ARHGAP20: variants seen among roughly 807,000 people sequenced by gnomAD.
The protein encoded by ARHGAP20 is Rho GTPase activating protein 20.
Under a neutral mutation model 73.7 loss-of-function variants are expected in ARHGAP20, and 34 were observed. The ratio of observed to expected loss-of-function variants is 0.46; its 90% CI spans 0.35 to 0.61. ARHGAP20 has a LOEUF of 0.61. Ranked by LOEUF, ARHGAP20 falls within the 20% of genes least tolerant of loss-of-function variation. ARHGAP20 has a pLI of 0.00. For missense variants in ARHGAP20, 1,314 were observed against 1,420.9 expected (o/e 0.92, Z 1.21); for synonymous variants, 523 against 518.2 (o/e 1.01, Z -0.13).
At chr11:110,681,414 G>C in intron 2 of ARHGAP20, among the ~76,000 whole-genome samples, 1 of 152,016 alleles carries the variant, frequency 6.6e-6, no homozygotes. Flanking sequence ...AACTACCTTA[G>C]AGTCTCAGCA....
chr11:110,584,961 G>A (rs12296058), intron 12 of ARHGAP20, among the ~76,000 whole-genome samples: 3,329 of 68,938 alleles, frequency 0.048, 109 homozygotes, highest in African/African-American at 0.1. Context: ...ATGAATATAT[G>A]TGAATATATG....
At chr11:110,633,176 AT>A (rs928999148) in intron 2 of ARHGAP20, among the ~76,000 whole-genome samples, 3 of 151,980 alleles carry the variant, frequency 2.0e-5, no homozygotes, top group East Asian at 1.9e-4. Flanking sequence ...GGCCAGGTTC[AT>A]TTTTTTTCTA....
At chr11:110,622,662 T>C (rs1317818799) in intron 4 of ARHGAP20, among the ~76,000 whole-genome samples, 1 of 152,204 alleles carries the variant, frequency 6.6e-6, no homozygotes, top group African/African-American at 2.4e-5. Context: ...ATTTTGTTTT[T>C]CTGACCTGGA....
chr11:110,601,238 G>A (rs1476875741), intron 9 of ARHGAP20, among the ~76,000 whole-genome samples: 1 of 152,194 alleles, frequency 6.6e-6, no homozygotes, highest in Non-Finnish European at 1.5e-5. Flanking sequence ...GAAAGATTCT[G>A]ACTATAACAA....
chr11:110,669,629 T>C (rs965657284), intron 2 of ARHGAP20, among the ~76,000 whole-genome samples: 3 of 152,082 alleles, frequency 2.0e-5, no homozygotes, highest in Non-Finnish European at 4.4e-5. Context: ...AATGCACACA[T>C]AGAATACTTA....
chr11:110,652,317 A>C (rs1434710431), intron 2 of ARHGAP20, among the ~76,000 whole-genome samples: 1 of 152,204 alleles, frequency 6.6e-6, no homozygotes, highest in Non-Finnish European at 1.5e-5. Flanking sequence ...TTCCTTTGGA[A>C]AACCAGCACA....
chr11:110,678,170 C>T (rs1407065289), intron 2 of ARHGAP20, among the ~76,000 whole-genome samples: 2 of 152,030 alleles, frequency 1.3e-5, no homozygotes, highest in African/African-American at 2.4e-5. Flanking sequence ...AAGTTATAAA[C>T]ATAGACAACA....
chr11:110,579,239 G>A lies in ARHGAP20; in HGVS notation c.*131C>T, dbSNP rs774780080. ...TCTCAATAAAGAGAATTATTTCGTT[G>A]TCCTAAGTATTAGCAATGATAATCC... On this transcript the variant is annotated 3_prime_UTR_variant, in exon 15 of 15. Transcript: ENST00000683387. 3.3e-5 allele frequency: 46 copies of A among 1,392,140 alleles called. No individual in the cohort carries two copies. The highest frequency in any genetic ancestry group is 5.7e-5 in the African/African-American group (4 of 70,198). 86.2% of individuals were successfully genotyped at this position (1,392,140 alleles called of 1,614,324 possible). A position where few individuals can be genotyped will look rare whatever the true frequency, so the allele number is the denominator to read the frequency against.
Position 110,581,090 on chromosome 11 carries a change from G to A in ARHGAP20, c.1856C>T (p.Thr619Ile). The change falls in exon 15 of 15, where the codon ACC becomes ATC. Residue 619 changes from threonine to isoleucine, a missense_variant. Thr to Ile is a moderately conservative substitution (Grantham distance 89). This residue lies in a region of ARHGAP20 where 230 missense variants were observed against 317.6 expected (regional missense o/e 0.72). Coordinates refer to ENST00000683387, the MANE Select transcript of ARHGAP20 (RefSeq NM_001384657.1). Reference sequence around the variant, plus strand: ...CTGGTCAAGATCATAGTCACTGAGGGTTAAGACAGAGTCCATGCTTCTGCT... The same window carrying A: ...CTGGTCAAGATCATAGTCACTGAGGATTAAGACAGAGTCCATGCTTCTGCT... The part of the protein sequence containing the change: ...QGSRSMDSVL[T>I]LSDYDLDQPE... 1.9e-6 allele frequency: 3 copies of A among 1,614,192 alleles called. No homozygotes were observed. The highest frequency in any genetic ancestry group is 1.7e-6 in the Non-Finnish European group (2 of 1,180,032).
intron 11 of ARHGAP20, chr11:110,589,396 G>C: frequency 1.0e-6 from 1 of 984,594 alleles, no homozygotes; most frequent in Non-Finnish European, 1.2e-6. Flanking sequence ...TGTATATAAA[G>C]TCATGAAGTA....
intron 2 of ARHGAP20, among the ~76,000 whole-genome samples, chr11:110,645,683 G>A (rs887221480): frequency 6.6e-6 from 1 of 152,132 alleles, no homozygotes; most frequent in Non-Finnish European, 1.5e-5. Flanking sequence ...TATGTTCATT[G>A]CAGCACTACT....
intron 2 of ARHGAP20, among the ~76,000 whole-genome samples, chr11:110,640,246 C>T (rs751250141): frequency 6.6e-6 from 1 of 151,944 alleles, no homozygotes; most frequent in South Asian, 2.1e-4. Flanking sequence ...CTATACTACT[C>T]ACCTCTCTCA....
At chr11:110,595,151 A>G (rs563590652) in intron 9 of ARHGAP20, among the ~76,000 whole-genome samples, 2 of 152,032 alleles carry the variant, frequency 1.3e-5, no homozygotes, top group Admixed American at 6.5e-5. Context: ...TCTCAAAATA[A>G]TAAGAGCTAT....
At chr11:110,589,985 G>A (rs1947780390) in intron 11 of ARHGAP20, among the ~76,000 whole-genome samples, 2 of 152,214 alleles carry the variant, frequency 1.3e-5, no homozygotes, top group South Asian at 4.2e-4. Context: ...GCTGGACCTG[G>A]TAGTGCAGGC....
chr11:110,649,201 C>CTTTTTTTTT (rs869156175), intron 2 of ARHGAP20, among the ~76,000 whole-genome samples: 1 of 87,094 alleles, frequency 1.1e-5, no homozygotes, highest in Non-Finnish European at 2.2e-5. Flanking sequence ...ATTATTAAAC[C>CTTTTTTTTT]TTTTTTTTTT....
intron 11 of ARHGAP20, among the ~76,000 whole-genome samples, chr11:110,590,051 G>A (rs1947782589): frequency 6.6e-6 from 1 of 151,672 alleles, no homozygotes; most frequent in East Asian, 1.9e-4. Context: ...AACCCAGGAG[G>A]TGGAGGTTGC....
In ARHGAP20 at chr11:110,578,652, C is replaced by A; in HGVS notation, c.*718G>T. 6 of 985,410 alleles carry A rather than the reference C, an allele frequency of 6.1e-6. No homozygotes were observed. The South Asian group carries it at 2.8e-4, about 46-fold the overall frequency. The allele number at this position is 985,410 out of a possible 1,614,324, so 61.0% of individuals were successfully genotyped here. A position where few individuals can be genotyped will look rare whatever the true frequency, so the allele number is the denominator to read the frequency against. On this transcript the variant is annotated 3_prime_UTR_variant, in exon 15 of 15. Transcript: ENST00000683387. The stretch of plus-strand genomic sequence containing the variant: ...GCCATTTTCTTCTTTCTCCTCACAA[C>A]TCTGTTTCCTGAAGCCTTGCAAAGC...
chr11:110,580,416 G>A lies in ARHGAP20; in HGVS notation c.2530C>T (p.Arg844Cys), dbSNP rs767917810. Residue 844 changes from arginine to cysteine, a missense_variant, in exon 15 of 15, where the codon CGC (arginine) becomes TGC (cysteine). This residue lies in a region of ARHGAP20 where 641 missense variants were observed against 636.9 expected (regional missense o/e 1.01). Coordinates refer to ENST00000683387, the MANE Select transcript of ARHGAP20 (RefSeq NM_001384657.1). ...DALKGPRTHR[R>C]CSEPNIEDQN... ...TCTTCTATGTTGGGCTCTGAGCAGC[G>A]CCGATGTGTCCTTGGACCCTTGAGG... 1.5e-5 allele frequency: 25 copies of A among 1,614,096 alleles called. No individual in the cohort carries two copies. The highest frequency in any genetic ancestry group is 2.2e-5 in the East Asian group (1 of 44,890).
chr11:110,580,550 A>C lies in ARHGAP20; in HGVS notation c.2396T>G (p.Val799Gly). 6.2e-7 allele frequency: 1 copy of C among 1,614,246 alleles called. No homozygotes were observed. The highest frequency in any genetic ancestry group is 1.1e-5 in the South Asian group (1 of 91,084). ...HVKLFPKSKP[V>G]AISVASYSPM... ...ACTATAAGATGCCACAGAAATGGCCACTGGCTTAGACTTAGGGAAAAGTTT... is the reference window on the plus strand; with the variant it reads ...ACTATAAGATGCCACAGAAATGGCCCCTGGCTTAGACTTAGGGAAAAGTTT... The change falls in exon 15 of 15, where the codon GTG (valine) becomes GGG (glycine). Residue 799 changes from valine to glycine, a missense_variant. Val to Gly is a moderately radical substitution (Grantham distance 109, BLOSUM62 -3). Around this residue, in one of 3 missense-constraint regions of ARHGAP20, gnomAD observed 641 missense variants for 636.9 expected, o/e 1.01. Transcript: ENST00000683387.
Sources: allele counts gnomAD v4.1 joint callset (sites outside exome capture counted in the v4.1 genomes callset), GRCh38; gene constraint gnomAD v4.1.1; regional missense constraint gnomAD v4.1.1; transcripts MANE v1.5; gene names NCBI Gene and HGNC (gene_info 2026-07-23, HGNC 2026-07-21).